Variants in COL4A2 observed in about 807,000 individuals in gnomAD.
COL4A2 encodes collagen alpha-2(IV) chain.
COL4A2 carries 99 observed loss-of-function variants against 200.2 expected under a neutral mutation model. The ratio of observed to expected loss-of-function variants is 0.49; its 90% CI spans 0.42 to 0.58. The LOEUF is 0.58. COL4A2 is among the 20% of genes least tolerant of loss of function. The pLI is 0.00. For missense variants in COL4A2, 1,950 were observed against 2,314.1 expected (o/e 0.84, Z 3.23); for synonymous variants, 897 against 900.6 (o/e 1.00, Z 0.07).
intron 24 of COL4A2, chr13:110,463,260 TCTC>T (rs1474406522): frequency 6.6e-6 from 1 of 152,404 alleles, no homozygotes; most frequent in African/African-American, 2.4e-5. Context: ...CTCTCTGTCT[TCTC>T]ATCATCTGTC....
chr13:110,440,003 C>T (rs189833737), intron 16 of COL4A2, among the ~76,000 whole-genome samples, 170 bp downstream of exon 16: 210 of 152,264 alleles, frequency 1.4e-3, no homozygotes, highest in African/African-American at 4.6e-3. Flanking sequence ...ATACTTGAAC[C>T]GGGTCATTAC....
chr13:110,397,487 C>T (rs1879220206), intron 4 of COL4A2, among the ~76,000 whole-genome samples: 1 of 152,208 alleles, frequency 6.6e-6, no homozygotes, highest in Non-Finnish European at 1.5e-5. Flanking sequence ...CATTTTTCCA[C>T]TAATAAACAT....
At chr13:110,458,342 C>CTT (rs1462501902) in intron 21 of COL4A2, 4 of 340,724 alleles carry the variant, frequency 1.2e-5, no homozygotes, top group Non-Finnish European at 2.3e-5. Flanking sequence ...CACCTATGAC[C>CTT]TTTCATGACC....
At chr13:110,372,298 G>C (rs1878047307) in intron 4 of COL4A2, among the ~76,000 whole-genome samples, 1 of 152,110 alleles carries the variant, frequency 6.6e-6, no homozygotes, top group South Asian at 2.1e-4. Flanking sequence ...AGACTTTTTT[G>C]TTTAAGAAAA....
At position 110,428,568 on chromosome 13, in the gene COL4A2, G is replaced by T. The variant is rs761545833; in HGVS notation, c.462G>T (p.Gly154=). ...SGPQGPPGSE[G]FTGPPGPQGP... ...CACAGGGGCCCCCCGGCTCTGAGGG[G>T]TTCACCGGGCCTCCCGTGAGTATCC... The change falls in exon 7 of 48, where the codon GGG becomes GGT. Residue 154 remains glycine (G), a synonymous_variant. Transcript: ENST00000360467. 6.5e-7 allele frequency: 1 copy of T among 1,549,990 alleles called. No individual in the cohort carries two copies. The highest frequency in any genetic ancestry group is 1.2e-5 in the South Asian group (1 of 82,534).
chr13:110,386,613 T>C (rs749631666), intron 4 of COL4A2, among the ~76,000 whole-genome samples: 2 of 152,226 alleles, frequency 1.3e-5, no homozygotes, highest in Admixed American at 6.5e-5. Flanking sequence ...TATAATTGTG[T>C]AATAGTATGT....
At chr13:110,335,070 C>T (rs1338274984) in intron 3 of COL4A2, among the ~76,000 whole-genome samples, 4 of 152,074 alleles carry the variant, frequency 2.6e-5, no homozygotes, top group Non-Finnish European at 5.9e-5. Flanking sequence ...AGAGGCCGAG[C>T]CCCCAGCCTG....
At chr13:110,505,907 G>A (rs965859677) in intron 45 of COL4A2, among the ~76,000 whole-genome samples, 1 of 152,194 alleles carries the variant, frequency 6.6e-6, no homozygotes, top group African/African-American at 2.4e-5. Flanking sequence ...ATGGCTGACT[G>A]AGTCTTTTAT....
intron 4 of COL4A2, among the ~76,000 whole-genome samples, chr13:110,407,190 G>A (rs1327490050): frequency 1.3e-5 from 2 of 152,240 alleles, no homozygotes; most frequent in Non-Finnish European, 2.9e-5. Flanking sequence ...CTGGCCCAGG[G>A]CAGCACTGCG....
At chr13:110,425,143 G>A (rs1288057362) in intron 6 of COL4A2, 146 bp downstream of exon 6, 29 of 902,746 alleles carry the variant, frequency 3.2e-5, no homozygotes, top group Non-Finnish European at 4.2e-5. Flanking sequence ...TATTCTCCCC[G>A]CGGAATTCAG....
At chr13:110,413,679 G>A (rs1879935199) in intron 4 of COL4A2, among the ~76,000 whole-genome samples, 1 of 152,216 alleles carries the variant, frequency 6.6e-6, no homozygotes, top group South Asian at 2.1e-4. Flanking sequence ...GCTATGGCGG[G>A]GTGGCTCGCA....
chr13:110,363,074 C>A (rs1036474543), intron 4 of COL4A2, among the ~76,000 whole-genome samples: 1 of 152,134 alleles, frequency 6.6e-6, no homozygotes, highest in East Asian at 1.9e-4. Context: ...TGGATAACTC[C>A]GTGTTGGGAA....
chr13:110,446,380 G>C (rs886909496), intron 17 of COL4A2, among the ~76,000 whole-genome samples: 2 of 152,144 alleles, frequency 1.3e-5, no homozygotes, highest in Non-Finnish European at 2.9e-5. Flanking sequence ...GGTGGTGCGC[G>C]GGATGCTGCC....
intron 28 of COL4A2, 133 bp from the exon 29 acceptor site, chr13:110,472,796 G>T: frequency 1.4e-6 from 1 of 722,312 alleles, no homozygotes; most frequent in Non-Finnish European, 2.4e-6. Context: ...ACAGGGACAA[G>T]GGCTCGAGCT....
At chr13:110,367,003 G>A (rs1877784040) in intron 4 of COL4A2, among the ~76,000 whole-genome samples, 1 of 152,092 alleles carries the variant, frequency 6.6e-6, no homozygotes, top group South Asian at 2.1e-4. Context: ...AAGGCCATAT[G>A]TCCCCACTGA....
At position 110,458,967 on chromosome 13, in the gene COL4A2, A is replaced by G. The variant is rs116748811; in HGVS notation, c.1596+33A>G. On this transcript the variant is annotated intron_variant, in intron 22 of 47. Transcript: ENST00000360467. ...GCAATTTCATCATGAAGCTGGCAAG[A>G]CACTCTGAGGCCTCCCCAGGTGTCC... 2.8e-3 allele frequency: 4,239 copies of G among 1,507,400 alleles called. 106 individuals are homozygous for G. In the African/African-American group the frequency reaches 0.055, roughly 19 times the overall value. The allele number at this position is 1,507,400 out of a possible 1,614,324, so 93.4% of individuals were successfully genotyped here.
intron 3 of COL4A2, among the ~76,000 whole-genome samples, chr13:110,337,211 G>A (rs1451617916): frequency 6.6e-6 from 1 of 152,252 alleles, no homozygotes. Context: ...CTGGAATGGG[G>A]CATGGGCGCC....
At chr13:110,402,349 C>T (rs972697313) in intron 4 of COL4A2, among the ~76,000 whole-genome samples, 2 of 152,188 alleles carry the variant, frequency 1.3e-5, no homozygotes, top group Non-Finnish European at 2.9e-5. Context: ...ACAGGAAAGA[C>T]TAAAGGAGTA....
rs144654464 is a variant in COL4A2 at position 110,458,838 on chromosome 13, A to G, written c.1500A>G (p.Gly500=). Residue 500 remains glycine, a synonymous_variant, in exon 22 of 48, where the codon GGA becomes GGG. Transcript: ENST00000360467. The part of the protein sequence containing the change: ...EAIKGLPGLP[G]PKGFAGINGE... ...TCAAAGGTCTTCCGGGACTGCCAGG[A>G]CCCAAGGGCTTCGCAGGCATCAACG... 6.2e-7 allele frequency: 1 copy of G among 1,613,730 alleles called. No homozygotes were observed.
Sources: allele counts gnomAD v4.1 joint callset (sites outside exome capture counted in the v4.1 genomes callset), GRCh38; gene constraint gnomAD v4.1.1; transcripts MANE v1.5; gene names NCBI Gene and HGNC (gene_info 2026-07-23, HGNC 2026-07-21).